The following ACAN variants were observed in gnomAD, a reference collection of about 807,000 sequenced individuals.
ACAN encodes aggrecan.
A neutral mutation model predicts 169.1 loss-of-function variants in ACAN; 47 were observed. The ratio of observed to expected loss-of-function variants is 0.28; its 90% CI spans 0.22 to 0.35. The LOEUF (loss-of-function observed/expected upper bound fraction) is 0.35. ACAN is among the 10% of genes least tolerant of loss of function. ACAN has a pLI of 1.00. For missense variants in ACAN, 2,716 were observed against 2,759.9 expected (o/e 0.98, Z 0.36); for synonymous variants, 1,115 against 1,112.2 (o/e 1.00, Z -0.05).
intron 5 of ACAN, among the ~76,000 whole-genome samples, chr15:88,842,653 G>GGATA (rs1470866251): frequency 6.6e-6 from 1 of 152,154 alleles, no homozygotes; most frequent in Non-Finnish European, 1.5e-5. Flanking sequence ...CCACCCCAGG[G>GGATA]GGCAAACCTG....
intron 4 of ACAN, 144 bp downstream of exon 4, chr15:88,840,330 C>T: frequency 9.5e-7 from 1 of 1,051,438 alleles, no homozygotes; most frequent in South Asian, 1.8e-5. Context: ...CGTGGTCACA[C>T]CTTGGCCAAA....
Position 88,815,721 on chromosome 15 carries a change from G to T in ACAN, c.-8+11912G>T, listed in dbSNP as rs1164669265. Among the ~76,000 whole-genome samples the T allele has an allele frequency of 2.0e-5, 3 of 147,026 alleles. No homozygotes were observed. In the East Asian group the frequency reaches 6.2e-4, roughly 30 times the overall value. On this transcript the variant is annotated intron_variant, in intron 1 of 18. Transcript: ENST00000560601. The stretch of plus-strand genomic sequence containing the variant: ...ATCAGACATAGGAAATAGTTTTCCT[G>T]AGAAATCTAAGCGACCCTGAGGTTG...
Position 88,840,062 on chromosome 15 carries a change from G to A in ACAN, c.505G>A (p.Asp169Asn). Reference sequence around the variant, plus strand: ...CTCTACACGCTACACCCTCGACTTTGACAGGGCGCAGCGGGCCTGCCTGCA... The same window carrying A: ...CTCTACACGCTACACCCTCGACTTTAACAGGGCGCAGCGGGCCTGCCTGCA... Reference protein sequence around the residue: ...AISTRYTLDFDRAQRACLQNS... With the variant: ...AISTRYTLDFNRAQRACLQNS... Residue 169 changes from aspartate (D) to asparagine (N), a missense_variant, in exon 4 of 19, where the codon GAC becomes AAC. By Grantham distance (23) the Asp-to-Asn change is conservative. This residue lies in a region of ACAN where 1,283 missense variants were observed against 1,281.5 expected (regional missense o/e 1.00). Coordinates refer to ENST00000560601, the MANE Select transcript of ACAN (RefSeq NM_001369268.1). The A allele has an allele frequency of 1.2e-6, 2 of 1,603,392 alleles. No individual in the cohort carries two copies. The highest frequency in any genetic ancestry group is 1.7e-6 in the Non-Finnish European group (2 of 1,174,706).
At position 88,848,053 on chromosome 15, in the gene ACAN, C is replaced by T; in HGVS notation, c.1732+15C>T. 2 of 1,611,982 alleles carry T rather than the reference C, an allele frequency of 1.2e-6. No individual in the cohort carries two copies. The highest frequency in any genetic ancestry group is 2.7e-5 in the African/African-American group (2 of 75,000). On this transcript the variant is annotated intron_variant, in intron 9 of 18. Coordinates refer to ENST00000560601, the MANE Select transcript of ACAN (RefSeq NM_001369268.1). ...CAGACTTGAGGGTACAAGCCACATT[C>T]TCACATTTCGGGCCCTAGATGGGCA...
At chr15:88,813,105 C>T (rs530208879) in intron 1 of ACAN, among the ~76,000 whole-genome samples, 1 of 152,278 alleles carries the variant, frequency 6.6e-6, no homozygotes, top group Admixed American at 6.5e-5. Context: ...GGACATGAGC[C>T]CCATCTGTCT....
In ACAN at chr15:88,849,796, G is replaced by A. The variant is rs761155912; in HGVS notation, c.2026+65G>A. ...TGGAGAGGACCCCACTGGGTTCACCGGATCCTGCCACCACCCAGTATCCCA... is the reference window on the plus strand; with the variant it reads ...TGGAGAGGACCCCACTGGGTTCACCAGATCCTGCCACCACCCAGTATCCCA... On this transcript the variant is annotated intron_variant, in intron 10 of 18. Transcript: ENST00000560601. This position sits in a 1 kb window ranked among gnomAD's most constrained non-coding sequence, Gnocchi z 5.1. The A allele has an allele frequency of 1.3e-5, 21 of 1,566,448 alleles. No homozygotes were observed. Among genetic ancestry groups the A allele is most frequent in the Middle Eastern group, 1.7e-4 (1 of 6,014 alleles).
intron 1 of ACAN, among the ~76,000 whole-genome samples, chr15:88,835,180 T>G (rs1157616564): frequency 6.6e-6 from 1 of 152,168 alleles, no homozygotes; most frequent in Non-Finnish European, 1.5e-5. Context: ...TTCCCTGACA[T>G]GAACCAGGCC....
At chr15:88,863,350 T>C (rs893629604) in intron 13 of ACAN, among the ~76,000 whole-genome samples, 1 of 152,242 alleles carries the variant, frequency 6.6e-6, no homozygotes, top group African/African-American at 2.4e-5. Flanking sequence ...GTTTCTATCC[T>C]GGCTGCAGCT....
rs33937048 is a variant in ACAN, at chr15:88,807,747, AGTGTGT to A, written c.-8+3972_-8+3977del. ...CTCAGAGCCTCCTTATAAGTGGTGG[AGTGTGT>A]GTGTGTGTGTGTGTGTGTGTGTGTG... On this transcript the variant is annotated intron_variant, in intron 1 of 18. Coordinates refer to ENST00000560601, the MANE Select transcript of ACAN (RefSeq NM_001369268.1). The surrounding 1 kb of genome is among the most constrained non-coding windows in gnomAD (Gnocchi z 4.0). Among the ~76,000 whole-genome samples the A allele has an allele frequency of 5.6e-5, 8 of 142,022 alleles. No individual in the cohort carries two copies. The highest frequency in any genetic ancestry group is 4.3e-4 in the East Asian group (2 of 4,660). 93.2% of individuals were successfully genotyped at this position (142,022 alleles called of 152,430 possible).
chr15:88,842,611 T>C (rs1465563155), intron 5 of ACAN, among the ~76,000 whole-genome samples: 2 of 151,328 alleles, frequency 1.3e-5, no homozygotes, highest in African/African-American at 4.8e-5. Context: ...CCGGCCAGGC[T>C]TTCTCACCAT....
chr15:88,845,969 C>T, intron 7 of ACAN, 87 bp downstream of exon 7: 1 of 1,361,460 alleles, frequency 7.3e-7, no homozygotes. Context: ...AAGGCTGTAC[C>T]TTCTACTTAA....
Position 88,849,708 on chromosome 15 carries a change from G to A in ACAN, c.2003G>A (p.Arg668Gln), listed in dbSNP as rs77572130. 2.1e-3 allele frequency: 3,443 copies of A among 1,613,742 alleles called. 46 individuals are homozygous for A. The African/African-American group carries it at 0.039, about 18-fold the overall frequency. ...NQTGLPDPLS[R>Q]HHAFCFRGIS... ...ACGGGCCTCCCAGACCCACTGTCCC[G>A]GCACCATGCCTTCTGCTTCCGAGGT... is the stretch of plus-strand genomic sequence containing the variant. The change falls in exon 10 of 19, where the codon CGG (arginine) becomes CAG (glutamine). Residue 668 changes from arginine (R) to glutamine (Q), a missense_variant. By Grantham distance (43) the Arg-to-Gln change is conservative. Coordinates refer to ENST00000560601, the MANE Select transcript of ACAN (RefSeq NM_001369268.1). This position sits in a 1 kb window ranked among gnomAD's most constrained non-coding sequence, Gnocchi z 5.1.
Position 88,843,633 on chromosome 15 carries a change from G to A in ACAN, c.1036G>A (p.Ala346Thr), listed in dbSNP as rs545729531. ...GYPDPSSRYD[A>T]ICYTGEDFVD... ...CCCCGACCCCTCATCCCGCTACGAC[G>A]CCATCTGCTACACAGGTGGGGCACG... Residue 346 changes from alanine to threonine, a missense_variant, in exon 6 of 19, where the codon GCC (alanine) becomes ACC (threonine). Physicochemically the swap from Ala to Thr is moderately conservative, Grantham distance 58. Transcript: ENST00000560601. This position sits in a 1 kb window ranked among gnomAD's most constrained non-coding sequence, Gnocchi z 4.0. The A allele has an allele frequency of 1.5e-5, 24 of 1,581,734 alleles. No homozygotes were observed. Among genetic ancestry groups the A allele is most frequent in the Middle Eastern group, 1.7e-4 (1 of 5,950 alleles).
rs143785088 is a variant in ACAN at position 88,807,649 on chromosome 15, C to T, written c.-8+3840C>T. Among the ~76,000 whole-genome samples, 116 of 152,128 alleles carry T rather than the reference C, an allele frequency of 7.6e-4. 1 individual carries two copies. Among genetic ancestry groups the T allele is most frequent in the African/African-American group, 2.6e-3 (109 of 41,476 alleles). ...AGAGAGGGGGAATTTGTAGAGAAAA[C>T]GGTAAAACGGTTTCTTTTTTCAAAA... On this transcript the variant is annotated intron_variant, in intron 1 of 18. Coordinates refer to ENST00000560601, the MANE Select transcript of ACAN (RefSeq NM_001369268.1). This position sits in a 1 kb window ranked among gnomAD's most constrained non-coding sequence, Gnocchi z 4.0.
chr15:88,838,324 A>G lies in ACAN; in HGVS notation c.71-339A>G, dbSNP rs1362478079. On this transcript the variant is annotated intron_variant, in intron 2 of 18. Transcript: ENST00000560601. The surrounding 1 kb of genome is among the most constrained non-coding windows in gnomAD (Gnocchi z 5.1). ...AAGGAGATGGGTCCTGTTTTATTCCACGCTTTGGTGCCCACTGCAGTACCC... is the reference window on the plus strand; with the variant it reads ...AAGGAGATGGGTCCTGTTTTATTCCGCGCTTTGGTGCCCACTGCAGTACCC... 6.6e-6 allele frequency among the ~76,000 whole-genome samples: 1 copy of G among 151,866 alleles called. No individual in the cohort carries two copies. The highest frequency in any genetic ancestry group is 2.4e-5 in the African/African-American group (1 of 41,340).
chr15:88,865,313 C>A (rs1219244983), intron 13 of ACAN, among the ~76,000 whole-genome samples: 5 of 152,174 alleles, frequency 3.3e-5, no homozygotes, highest in Admixed American at 3.3e-4. Flanking sequence ...CTCTCTCCCT[C>A]CACGTGGGGC....
At chr15:88,865,547 G>A (rs1897265818) in intron 13 of ACAN, among the ~76,000 whole-genome samples, 1 of 152,200 alleles carries the variant, frequency 6.6e-6, no homozygotes, top group African/African-American at 2.4e-5. Flanking sequence ...GGATAATGAA[G>A]GAGAACATGT....
rs1303408937 is a variant in ACAN, at chr15:88,870,974, G to C, written c.7061-408G>C. Among the ~76,000 whole-genome samples, 1 of 152,134 alleles carries C rather than the reference G, an allele frequency of 6.6e-6. No homozygotes were observed. The highest frequency in any genetic ancestry group is 2.1e-4 in the South Asian group (1 of 4,826). ...CACTGCCTCCACACACTTCCCCACA[G>C]CTCCACTCCCTCTCTCCCTGGAGCC... On this transcript the variant is annotated intron_variant, in intron 14 of 18. Coordinates refer to ENST00000560601, the MANE Select transcript of ACAN (RefSeq NM_001369268.1). This position sits in a 1 kb window ranked among gnomAD's most constrained non-coding sequence, Gnocchi z 6.3.
intron 1 of ACAN, among the ~76,000 whole-genome samples, chr15:88,832,261 T>C (rs117943527): frequency 1.4e-5 from 2 of 147,950 alleles, no homozygotes; most frequent in East Asian, 2.0e-4. Context: ...ACAAATAGCA[T>C]GCAAAAAGAT....
Sources: gnomAD v4.1 joint callset for allele counts (sites outside exome capture counted in the v4.1 genomes callset) on GRCh38, gnomAD v4.1.1 for gene constraint, gnomAD v4.1.1 regional missense constraint, Gnocchi (gnomAD v3.1) non-coding constraint, MANE v1.5 for transcripts, NCBI Gene and HGNC (gene_info 2026-07-23, HGNC 2026-07-21) for gene names.